The following SPOCD1 variants were observed in gnomAD, a reference collection of about 807,000 sequenced individuals.
SPOCD1 encodes the protein SPOC domain-containing protein 1.
A neutral mutation model predicts 92.2 loss-of-function variants in SPOCD1; 64 were observed. The ratio of observed to expected loss-of-function variants is 0.69; its 90% CI spans 0.57 to 0.86. SPOCD1 has a LOEUF of 0.86. Among genes scored for constraint, SPOCD1 ranks in the 40% least tolerant of loss-of-function variants. The pLI, the probability that SPOCD1 is intolerant of heterozygous loss-of-function variation, is 0.00. For synonymous variants in SPOCD1, 578 were observed against 619.3 expected, an observed-to-expected ratio of 0.93 and a Z score of 0.99; for missense variants, 1,360 against 1,543.1, an observed-to-expected ratio of 0.88 and a Z score of 1.99.
chr1:31,806,394 CTT>C (rs1648819601), intron 2 of SPOCD1, among the ~76,000 whole-genome samples: 1 of 152,044 alleles, frequency 6.6e-6, no homozygotes, highest in Admixed American at 6.6e-5. Flanking sequence ...TTTCAAAAGA[CTT>C]TTTTAGATCA....
chr1:31,790,728 G>A lies in SPOCD1; in HGVS notation c.3526C>T (p.Pro1176Ser), dbSNP rs36047547. 695 of 1,552,060 alleles carry A rather than the reference G, an allele frequency of 4.5e-4. 3 individuals are homozygous for A. The African/African-American group carries it at 8.6e-3, about 19-fold the overall frequency. Residue 1176 changes from proline to serine, a missense_variant, in exon 16 of 16, where the codon CCC (proline) becomes TCC (serine). Physicochemically the swap from Pro to Ser is moderately conservative, Grantham distance 74. Coordinates refer to ENST00000360482, the MANE Select transcript of SPOCD1 (RefSeq NM_144569.7). ...LLCPQTKSSI[P>S]RPLQRLSSAL... is the part of the protein sequence containing the mutation. ...CTAGACAAACGCTGCAGAGGGCGGG[G>A]GATGGAGCTCTTGGTCTGGGGGCAC...
chr1:31,791,069 G>A lies in SPOCD1; in HGVS notation c.3185C>T (p.Thr1062Ile), dbSNP rs774781047. The part of the protein sequence containing the change: ...DRRPNVPLKG[T>I]PPPGGAWQQS... ...CTGCCAGGCACCTCCTGGGGGAGGGGTGCCCTTCAGGGGCACATTCGGCCT... is the reference window on the plus strand; with the variant it reads ...CTGCCAGGCACCTCCTGGGGGAGGGATGCCCTTCAGGGGCACATTCGGCCT... Residue 1062 changes from threonine to isoleucine, a missense_variant, in exon 16 of 16, where the codon ACC (threonine) becomes ATC (isoleucine). Physicochemically the swap from Thr to Ile is moderately conservative, Grantham distance 89. Around this residue, in one of 3 missense-constraint regions of SPOCD1, gnomAD observed 614 missense variants for 757.8 expected, o/e 0.81. Transcript: ENST00000360482. The A allele has an allele frequency of 2.5e-6, 4 of 1,613,010 alleles. No homozygotes were observed. The South Asian group carries it at 4.4e-5, about 18-fold the overall frequency.
intron 2 of SPOCD1, among the ~76,000 whole-genome samples, chr1:31,805,490 C>A (rs1469750339): frequency 6.6e-6 from 1 of 152,138 alleles, no homozygotes; most frequent in Non-Finnish European, 1.5e-5. Flanking sequence ...CCTTGGGAAG[C>A]TGAGGTGTGA....
intron 2 of SPOCD1, among the ~76,000 whole-genome samples, chr1:31,807,458 CAGAT>C (rs200368823): frequency 0.063 from 5,993 of 95,786 alleles, 356 homozygotes; most frequent in South Asian, 0.2. Flanking sequence ...TTTTAAATAA[CAGAT>C]AGGTCAAAGA....
intron 9 of SPOCD1, among the ~76,000 whole-genome samples, chr1:31,797,762 G>A (rs753739112): frequency 2.0e-5 from 3 of 152,188 alleles, no homozygotes; most frequent in Non-Finnish European, 4.4e-5. Flanking sequence ...AGAGACCCAT[G>A]GATACAGGGT....
At position 31,800,544 on chromosome 1, in the gene SPOCD1, T is replaced by A. The variant is rs1243725383; in HGVS notation, c.1499A>T (p.Lys500Met). The A allele has an allele frequency of 6.2e-7, 1 of 1,611,994 alleles. No homozygotes were observed. The highest frequency in any genetic ancestry group is 8.5e-7 in the Non-Finnish European group (1 of 1,179,370). Residue 500 changes from lysine to methionine, a missense_variant, in exon 4 of 16, where the codon AAG (lysine) becomes ATG (methionine). Transcript: ENST00000360482. ...CATCAAGTCCTCTAGAACCTCCAGC[T>A]TTGGTGGCAGCTGCCCCCCTGCCTG... is the stretch of plus-strand genomic sequence containing the variant. ...HGQAGGQLPP[K>M]LEVLEDLMEV... is the part of the protein sequence containing the mutation.
intron 2 of SPOCD1, among the ~76,000 whole-genome samples, chr1:31,802,745 G>A (rs757772542): frequency 2.0e-5 from 3 of 152,058 alleles, no homozygotes; most frequent in Non-Finnish European, 4.4e-5. Context: ...CCGGAAACAT[G>A]TTTTTTTATT....
chr1:31,814,863 C>G lies in SPOCD1; in HGVS notation c.471G>C (p.Glu157Asp). 2 of 1,613,522 alleles carry G rather than the reference C, an allele frequency of 1.2e-6. No individual in the cohort carries two copies. Among genetic ancestry groups the G allele is most frequent in the South Asian group, 1.1e-5 (1 of 91,074 alleles). Residue 157 changes from glutamate (E) to aspartate (D), a missense_variant, in exon 2 of 16, where the codon GAG becomes GAC. By Grantham distance (45) the Glu-to-Asp change is conservative (BLOSUM62 2). Transcript: ENST00000360482. The surrounding 1 kb of genome is among the most constrained non-coding windows in gnomAD (Gnocchi z 4.2). ...CCCTGGGCCTGAGGCAGCTCACCTC[C>G]TCCACTCCTGCAAGCCTCTCCCTGC... ...LACRERLAGV[E>D]EVSCLRPREA...
chr1:31,806,547 C>CT (rs895099152), intron 2 of SPOCD1, among the ~76,000 whole-genome samples: 287 of 143,484 alleles, frequency 2.0e-3, no homozygotes, highest in Middle Eastern at 0.011. Context: ...GATATGAAAA[C>CT]TTTTTTTTTT....
chr1:31,803,273 G>A (rs1039042579), intron 2 of SPOCD1, among the ~76,000 whole-genome samples: 1 of 152,044 alleles, frequency 6.6e-6, no homozygotes, highest in African/African-American at 2.4e-5. Flanking sequence ...AAACAACCGG[G>A]CAGATTTGAT....
chr1:31,814,465 G>A lies in SPOCD1; in HGVS notation c.869C>T (p.Ala290Val). The A allele has an allele frequency of 6.3e-7, 1 of 1,583,626 alleles. No individual in the cohort carries two copies. The highest frequency in any genetic ancestry group is 1.1e-5 in the South Asian group (1 of 87,906). ...SGTEKFGYLP[A>V]TGDGPQPGSP... ...GCCTGGCTGGGGCCCATCCCCTGTA[G>A]CGGGCAAATATCCAAATTTCTCAGT... is the stretch of plus-strand genomic sequence containing the variant. Residue 290 changes from alanine (A) to valine (V), a missense_variant, in exon 2 of 16, where the codon GCT (alanine) becomes GTT (valine). Physicochemically the swap from Ala to Val is moderately conservative, Grantham distance 64. This residue lies in a region of SPOCD1 where 606 missense variants were observed against 601.5 expected (regional missense o/e 1.01). Coordinates refer to ENST00000360482, the MANE Select transcript of SPOCD1 (RefSeq NM_144569.7). The surrounding 1 kb of genome is among the most constrained non-coding windows in gnomAD (Gnocchi z 4.2).
Position 31,799,874 on chromosome 1 carries a change from G to C in SPOCD1, c.1729-11C>G. On this transcript the variant is annotated splice_polypyrimidine_tract_variant and intron_variant, in intron 5 of 15. Transcript: ENST00000360482. The stretch of plus-strand genomic sequence containing the variant: ...CTCCATTGGGCCACTCTGTAGGGGA[G>C]GCGTGAGGAATTGAGGCTGTGCTGG... The C allele has an allele frequency of 6.2e-7, 1 of 1,614,142 alleles. No individual in the cohort carries two copies. Among genetic ancestry groups the C allele is most frequent in the South Asian group, 1.1e-5 (1 of 91,086 alleles).
rs781164792 is a variant in SPOCD1, at chr1:31,796,702, A to G, written c.2159T>C (p.Ile720Thr). The change falls in exon 10 of 16, where the codon ATT becomes ACT. Residue 720 changes from isoleucine (I) to threonine (T), a missense_variant. Around this residue, in one of 3 missense-constraint regions of SPOCD1, gnomAD observed 614 missense variants for 757.8 expected, o/e 0.81. Transcript: ENST00000360482. ...GCACGGCTCCTTCTGTTGCTGCTCA[A>G]TGATATTCAGGCCCTGAAGAGGTGG... Reference protein sequence around the residue: ...DQEEKRGLNIIEQQQKEPCRL... With the variant: ...DQEEKRGLNITEQQQKEPCRL... The G allele has an allele frequency of 1.2e-6, 2 of 1,614,204 alleles. No homozygotes were observed. Among genetic ancestry groups the G allele is most frequent in the East Asian group, 2.2e-5 (1 of 44,884 alleles).
intron 2 of SPOCD1, among the ~76,000 whole-genome samples, chr1:31,808,022 T>A (rs1187355520): frequency 6.6e-6 from 1 of 152,106 alleles, no homozygotes; most frequent in Non-Finnish European, 1.5e-5. Context: ...AAAGAGAACA[T>A]CAGTCCATAC....
chr1:31,796,710 C>T lies in SPOCD1; in HGVS notation c.2151G>A (p.Leu717=), dbSNP rs137881803. The change falls in exon 10 of 16, where the codon CTG becomes CTA. Residue 717 remains leucine, a synonymous_variant. Coordinates refer to ENST00000360482, the MANE Select transcript of SPOCD1 (RefSeq NM_144569.7). ...CCTTCTGTTGCTGCTCAATGATATTCAGGCCCTGAAGAGGTGGAGCAGGCC... is the reference window on the plus strand; with the variant it reads ...CCTTCTGTTGCTGCTCAATGATATTTAGGCCCTGAAGAGGTGGAGCAGGCC... ...RWRDQEEKRG[L]NIIEQQQKEP... is the part of the protein sequence containing the mutation. 1 of 1,614,120 alleles carries T rather than the reference C, an allele frequency of 6.2e-7. No homozygotes were observed. Among genetic ancestry groups the T allele is most frequent in the African/African-American group, 1.3e-5 (1 of 74,956 alleles).
intron 4 of SPOCD1, 63 bp from the exon 5 acceptor site, chr1:31,800,204 A>G: frequency 2.0e-6 from 3 of 1,525,838 alleles, no homozygotes; most frequent in Non-Finnish European, 2.6e-6. Flanking sequence ...TTCCCTCCCC[A>G]GATGTACTGG....
chr1:31,795,034 TA>T (rs1647910978), intron 10 of SPOCD1: 1 of 152,228 alleles, frequency 6.6e-6, no homozygotes, highest in South Asian at 2.1e-4. Context: ...TCACTATTAC[TA>T]AATAGCACTG....
chr1:31,794,227 C>T lies in SPOCD1; in HGVS notation c.2280G>A (p.Gln760=), dbSNP rs202182405. The change falls in exon 11 of 16, where the codon CAG becomes CAA. Residue 760 remains glutamine (Q), a synonymous_variant. Coordinates refer to ENST00000360482, the MANE Select transcript of SPOCD1 (RefSeq NM_144569.7). The stretch of plus-strand genomic sequence containing the variant: ...CCTGTGGGCTGCAGTCCATGAACAT[C>T]TGCGGTCCCTGGGAGGCAGAAGACA... ...TLTLEDLVGP[Q]MFMDCSPQAL... 17 of 1,611,608 alleles carry T rather than the reference C, an allele frequency of 1.1e-5. No homozygotes were observed. The East Asian group carries it at 3.6e-4, about 34-fold the overall frequency.
At chr1:31,801,009 C>T (rs1021858652) in intron 3 of SPOCD1, among the ~76,000 whole-genome samples, 2 of 152,224 alleles carry the variant, frequency 1.3e-5, no homozygotes, top group Admixed American at 6.5e-5. Context: ...CCTCCTCCTG[C>T]TCAAAGCTCT....
Sources: gnomAD v4.1 joint callset for allele counts (sites outside exome capture counted in the v4.1 genomes callset) on GRCh38, gnomAD v4.1.1 for gene constraint, gnomAD v4.1.1 regional missense constraint, Gnocchi (gnomAD v3.1) non-coding constraint, MANE v1.5 for transcripts, NCBI Gene and HGNC (gene_info 2026-07-23, HGNC 2026-07-21) for gene names.